The following TDRD10 variants were observed in gnomAD, a reference collection of about 807,000 sequenced individuals.
TDRD10 encodes the protein tudor domain containing 10.
Under a neutral mutation model 48.0 loss-of-function variants are expected in TDRD10, and 40 were observed. The observed-to-expected ratio is 0.83, with a 90% confidence interval of 0.65 to 1.09. TDRD10 has a LOEUF of 1.09. Ranked by LOEUF, TDRD10 falls within the 50% of genes least tolerant of loss-of-function variation. The pLI is 0.00. For missense variants in TDRD10, 378 were observed against 434.7 expected (o/e 0.87, Z 1.16); for synonymous variants, 162 against 170.4 (o/e 0.95, Z 0.38).
intron 4 of TDRD10, among the ~76,000 whole-genome samples, chr1:154,517,152 G>T (rs1693812472): frequency 6.6e-6 from 1 of 152,158 alleles, no homozygotes; most frequent in South Asian, 2.1e-4. Flanking sequence ...GCTGTCATTT[G>T]GGGGTAGGCA....
At chr1:154,518,138 C>T (rs963609851) in intron 4 of TDRD10, among the ~76,000 whole-genome samples, 2 of 152,094 alleles carry the variant, frequency 1.3e-5, no homozygotes, top group African/African-American at 2.4e-5. Context: ...ATGTGGTTGG[C>T]GGTGATTGAC....
intron 4 of TDRD10, among the ~76,000 whole-genome samples, chr1:154,510,935 A>G (rs967066273): frequency 6.6e-6 from 1 of 150,518 alleles, no homozygotes; most frequent in African/African-American, 2.4e-5. Context: ...AGTCCCAGCT[A>G]CTCGGGAGGC....
intron 4 of TDRD10, among the ~76,000 whole-genome samples, chr1:154,518,594 AT>A (rs1245167525): frequency 6.6e-6 from 1 of 151,792 alleles, no homozygotes; most frequent in Non-Finnish European, 1.5e-5. Context: ...CGCCCGGCTA[AT>A]TTTTTTTGTA....
At position 154,532,591 on chromosome 1, in the gene TDRD10, G is replaced by A. The variant is rs574430815; in HGVS notation, c.370-9433G>A. On this transcript the variant is annotated intron_variant, in intron 6 of 12. Coordinates refer to ENST00000368482, the MANE Select transcript of TDRD10 (RefSeq NM_182499.4). ...TGGGCGCCGAGGCTGAGGAGGCACCGAGAGCGAGCGAGGGCTGCGAGGGCT... is the reference window on the plus strand; with the variant it reads ...TGGGCGCCGAGGCTGAGGAGGCACCAAGAGCGAGCGAGGGCTGCGAGGGCT... Among the ~76,000 whole-genome samples the A allele has an allele frequency of 1.1e-3, 161 of 152,330 alleles. 1 individual carries two copies. In the South Asian group the frequency reaches 0.013, roughly 12 times the overall value.
At chr1:154,512,131 T>C (rs1693515760) in intron 4 of TDRD10, among the ~76,000 whole-genome samples, 1 of 152,120 alleles carries the variant, frequency 6.6e-6, no homozygotes, top group Non-Finnish European at 1.5e-5. Flanking sequence ...ATAAACCTCA[T>C]ACTCATTAGC....
At chr1:154,532,136 A>AG (rs1271107384) in intron 6 of TDRD10, among the ~76,000 whole-genome samples, 2 of 152,258 alleles carry the variant, frequency 1.3e-5, no homozygotes, top group African/African-American at 4.8e-5. Flanking sequence ...GCTGTGGAGC[A>AG]GGGGGCGTTG....
intron 6 of TDRD10, among the ~76,000 whole-genome samples, chr1:154,523,407 G>A (rs1694157519): frequency 6.6e-6 from 1 of 152,210 alleles, no homozygotes. Flanking sequence ...AAGGGTTTGT[G>A]AACACAGTTT....
chr1:154,547,418 G>C lies in TDRD10; in HGVS notation c.962G>C (p.Ser321Thr), dbSNP rs1388852479. 1 of 1,614,178 alleles carries C rather than the reference G, an allele frequency of 6.2e-7. No individual in the cohort carries two copies. Among genetic ancestry groups the C allele is most frequent in the South Asian group, 1.1e-5 (1 of 91,080 alleles). ...GTGTCTTGTTTTGCAGACATTTTGA[G>C]TTCGTATGAGGTTGTCCATCGAATC... is the stretch of plus-strand genomic sequence containing the variant. ...QPFMLEKDILSSYEVVHRILK... is the reference protein window; with the variant it reads ...QPFMLEKDILTSYEVVHRILK... Residue 321 changes from serine (S) to threonine (T), a missense_variant, in exon 12 of 13, where the codon AGT becomes ACT. Ser to Thr is a moderately conservative substitution (Grantham distance 58, BLOSUM62 1). This residue lies in a region of TDRD10 where 68 missense variants were observed against 111.1 expected (regional missense o/e 0.61). Coordinates refer to ENST00000368482, the MANE Select transcript of TDRD10 (RefSeq NM_182499.4).
At chr1:154,507,414 A>T in intron 3 of TDRD10, 94 bp downstream of exon 3, 1 of 1,434,702 alleles carries the variant, frequency 7.0e-7, no homozygotes. Flanking sequence ...TTTCTGTTCA[A>T]TGTGAAACTT....
rs1208362075 is a variant in TDRD10 at position 154,506,923 on chromosome 1, G to A, written c.2+18G>A. ...TGCAGCATGTAAGTCCCTTCCTTTT[G>A]CTGATGAGCAAGCCTCGCTCCATCC... is the stretch of plus-strand genomic sequence containing the variant. On this transcript the variant is annotated intron_variant, in intron 2 of 12. Coordinates refer to ENST00000368482, the MANE Select transcript of TDRD10 (RefSeq NM_182499.4). The A allele has an allele frequency of 1.2e-6, 2 of 1,614,158 alleles. No individual in the cohort carries two copies. Among genetic ancestry groups the A allele is most frequent in the South Asian group, 2.2e-5 (2 of 91,084 alleles).
rs566274695 is a variant in TDRD10, at chr1:154,524,605, G to A, written c.369+3126G>A. Among the ~76,000 whole-genome samples, 125 of 152,286 alleles carry A rather than the reference G, an allele frequency of 8.2e-4. 4 individuals carry two copies. In the South Asian group the frequency reaches 0.025, roughly 31 times the overall value. On this transcript the variant is annotated intron_variant, in intron 6 of 12. Transcript: ENST00000368482. ...TAGCAGATCTTTTATCCTATTAAGGGTTTTTGTGTGTGTGTCATAGTTAGG... is the reference window on the plus strand; with the variant it reads ...TAGCAGATCTTTTATCCTATTAAGGATTTTTGTGTGTGTGTCATAGTTAGG...
chr1:154,547,304 C>A, intron 11 of TDRD10, 105 bp from the exon 12 acceptor site: 1 of 1,181,260 alleles, frequency 8.5e-7, no homozygotes, highest in South Asian at 1.4e-5. Flanking sequence ...AGCTGGTTGG[C>A]GGCCAGAGCA....
chr1:154,522,390 G>A (rs1484510662), intron 6 of TDRD10, among the ~76,000 whole-genome samples: 2 of 152,136 alleles, frequency 1.3e-5, no homozygotes, highest in Non-Finnish European at 2.9e-5. Context: ...GCTAAACTTG[G>A]GGTTCTGTCA....
rs545509312 is a variant in TDRD10, at chr1:154,512,189, T to A, written c.141+3708T>A. Reference sequence around the variant, plus strand: ...TCCCAGCCCCTGGTAACCATGAATCTACTTTCTGTCTCTTAAGGATTTCCT... The same window carrying A: ...TCCCAGCCCCTGGTAACCATGAATCAACTTTCTGTCTCTTAAGGATTTCCT... On this transcript the variant is annotated intron_variant, in intron 4 of 12. Coordinates refer to ENST00000368482, the MANE Select transcript of TDRD10 (RefSeq NM_182499.4). 7.8e-4 allele frequency among the ~76,000 whole-genome samples: 119 copies of A among 152,304 alleles called. 1 individual carries two copies. The highest frequency in any genetic ancestry group is 1.0e-3 in the Admixed American group (16 of 15,286).
At chr1:154,531,132 C>A (rs1044343660) in intron 6 of TDRD10, among the ~76,000 whole-genome samples, 25 of 152,288 alleles carry the variant, frequency 1.6e-4, no homozygotes, top group African/African-American at 6.0e-4. Context: ...TGAGCCACCA[C>A]GCCTGGCCTA....
intron 4 of TDRD10, among the ~76,000 whole-genome samples, chr1:154,517,712 G>A (rs1031077681): frequency 1.3e-5 from 2 of 152,132 alleles, no homozygotes; most frequent in African/African-American, 2.4e-5. Flanking sequence ...ATGAGCCACC[G>A]CGCCCGGCTT....
At chr1:154,508,798 T>C (rs1693290646) in intron 4 of TDRD10, among the ~76,000 whole-genome samples, 1 of 152,194 alleles carries the variant, frequency 6.6e-6, no homozygotes, top group Non-Finnish European at 1.5e-5. Context: ...TTGTTAGGGC[T>C]CAGCTGCTGA....
At chr1:154,513,176 C>T (rs545790935) in intron 4 of TDRD10, among the ~76,000 whole-genome samples, 125 of 152,216 alleles carry the variant, frequency 8.2e-4, no homozygotes, top group African/African-American at 1.3e-3. Flanking sequence ...TTGAGCATCA[C>T]GTACTACATT....
intron 6 of TDRD10, among the ~76,000 whole-genome samples, chr1:154,535,100 C>T (rs1418496258): frequency 6.6e-6 from 1 of 152,166 alleles, no homozygotes; most frequent in Non-Finnish European, 1.5e-5. Context: ...CCAAACAAGT[C>T]AGTCAAGAAT....
Sources: allele counts gnomAD v4.1 joint callset (sites outside exome capture counted in the v4.1 genomes callset), GRCh38; gene constraint gnomAD v4.1.1; regional missense constraint gnomAD v4.1.1; transcripts MANE v1.5; gene names NCBI Gene and HGNC (gene_info 2026-07-23, HGNC 2026-07-21).